The following FAT3 variants were observed in gnomAD, a reference collection of about 807,000 sequenced individuals.
FAT3 encodes protocadherin Fat 3.
FAT3 carries 95 observed loss-of-function variants against 310.2 expected under a neutral mutation model. The ratio of observed to expected loss-of-function variants is 0.31; its 90% CI spans 0.26 to 0.36. FAT3 has a LOEUF of 0.36. Ranked by LOEUF, FAT3 falls within the 10% of genes least tolerant of loss-of-function variation. The pLI is 1.00. For missense variants in FAT3, 5,408 were observed against 5,715.6 expected (o/e 0.95, Z 1.74); for synonymous variants, 2,314 against 2,192.9 (o/e 1.06, Z -1.54).
chr11:92,339,191 T>C (rs1948173026), intron 1 of FAT3, among the ~76,000 whole-genome samples: 2 of 152,224 alleles, frequency 1.3e-5, no homozygotes, highest in South Asian at 4.1e-4. Context: ...TTTTGGGGGC[T>C]GTCCTGGGTA....
At chr11:92,460,886 G>C (rs1052149729) in intron 2 of FAT3, among the ~76,000 whole-genome samples, 17 of 152,256 alleles carry the variant, frequency 1.1e-4, no homozygotes, top group African/African-American at 4.1e-4. Context: ...TCTCCTGAAT[G>C]AACCATCACC....
intron 2 of FAT3, among the ~76,000 whole-genome samples, chr11:92,448,161 G>A (rs528263339): frequency 6.6e-6 from 1 of 152,232 alleles, no homozygotes; most frequent in South Asian, 2.1e-4. Context: ...TTGTTGTGAA[G>A]ATTGAGTAAA....
chr11:92,520,525 G>A (rs1344290993), intron 2 of FAT3, among the ~76,000 whole-genome samples: 1 of 152,030 alleles, frequency 6.6e-6, no homozygotes, highest in Non-Finnish European at 1.5e-5. Flanking sequence ...ATGCATTGTG[G>A]TTGTCACAAT....
chr11:92,750,133 A>G (rs1391834237), intron 4 of FAT3, among the ~76,000 whole-genome samples: 2 of 152,146 alleles, frequency 1.3e-5, no homozygotes, highest in African/African-American at 4.8e-5. Flanking sequence ...GCCTTAGTTT[A>G]AAAGACTTCA....
Position 92,257,541 on chromosome 11 carries a change from G to A in FAT3, c.-18+32367G>A, listed in dbSNP as rs202246201. On this transcript the variant is annotated intron_variant, in intron 1 of 27. Coordinates refer to ENST00000525166, the MANE Select transcript of FAT3 (RefSeq NM_001367949.2). ...GGAAAAAATTGCCTAAAAAAATATCGACAAAATGTGAAGCGTACAACCTGT... is the reference window on the plus strand; with the variant it reads ...GGAAAAAATTGCCTAAAAAAATATCAACAAAATGTGAAGCGTACAACCTGT... 1.2e-4 allele frequency among the ~76,000 whole-genome samples: 19 copies of A among 152,024 alleles called. No homozygotes were observed. In the East Asian group the frequency reaches 3.3e-3, roughly 26 times the overall value.
chr11:92,773,653 A>G (rs1946518432), intron 6 of FAT3, among the ~76,000 whole-genome samples: 1 of 152,150 alleles, frequency 6.6e-6, no homozygotes, highest in Non-Finnish European at 1.5e-5. Flanking sequence ...TAATTGGACT[A>G]TTTATTTACT....
chr11:92,659,940 T>G (rs74717475), intron 3 of FAT3, among the ~76,000 whole-genome samples: 251 of 152,300 alleles, frequency 1.6e-3, no homozygotes, highest in African/African-American at 5.7e-3. Flanking sequence ...AAAAAATGGC[T>G]GAAGCATCAG....
At position 92,258,243 on chromosome 11, in the gene FAT3, C is replaced by G. The variant is rs137900905; in HGVS notation, c.-18+33069C>G. 9.5e-3 allele frequency among the ~76,000 whole-genome samples: 1,440 copies of G among 152,206 alleles called. 32 individuals are homozygous for G. The highest frequency in any genetic ancestry group is 0.033 in the African/African-American group (1,360 of 41,534). Reference sequence around the variant, plus strand: ...GTGTGAGTGCTTGCTATGTGCCTAGCATGTTACAGCTGAGATGGACCCACA... The same window carrying G: ...GTGTGAGTGCTTGCTATGTGCCTAGGATGTTACAGCTGAGATGGACCCACA... On this transcript the variant is annotated intron_variant, in intron 1 of 27. Transcript: ENST00000525166.
At chr11:92,856,507 C>T (rs2136320650) in intron 19 of FAT3, among the ~76,000 whole-genome samples, 1 of 152,300 alleles carries the variant, frequency 6.6e-6, no homozygotes, top group East Asian at 1.9e-4. Context: ...ATCAGTTAAT[C>T]TGCTTTCCAG....
intron 2 of FAT3, chr11:92,366,447 T>C: frequency 2.7e-6 from 1 of 374,848 alleles, no homozygotes; most frequent in East Asian, 6.7e-5. Context: ...CAGGGGGATG[T>C]GACAGACAGG....
intron 22 of FAT3, among the ~76,000 whole-genome samples, chr11:92,867,527 AC>A (rs553861439): frequency 4.4e-4 from 67 of 152,076 alleles, no homozygotes; most frequent in African/African-American, 1.5e-3. Context: ...GGCGAATGGA[AC>A]CCCCTTTTAA....
chr11:92,698,581 A>G lies in FAT3; in HGVS notation c.3669+1136A>G, dbSNP rs935841935. On this transcript the variant is annotated intron_variant, in intron 4 of 27. Coordinates refer to ENST00000525166, the MANE Select transcript of FAT3 (RefSeq NM_001367949.2). ...TTTTAAAACTCTTAAAGCATTGGAT[A>G]TAATAAAGGATTATTATTATTATTA... is the stretch of plus-strand genomic sequence containing the variant. Among the ~76,000 whole-genome samples, 73 of 152,198 alleles carry G rather than the reference A, an allele frequency of 4.8e-4. 1 individual carries two copies. Among genetic ancestry groups the G allele is most frequent in the Non-Finnish European group, 4.4e-5 (3 of 68,040 alleles).
intron 3 of FAT3, among the ~76,000 whole-genome samples, chr11:92,532,667 T>C (rs980280446): frequency 6.6e-6 from 1 of 152,184 alleles, no homozygotes; most frequent in Admixed American, 6.5e-5. Flanking sequence ...GTAACGAAAT[T>C]CTCCTCAGAG....
chr11:92,822,867 A>G (rs576618348), intron 13 of FAT3, among the ~76,000 whole-genome samples: 2 of 152,274 alleles, frequency 1.3e-5, no homozygotes, highest in Admixed American at 6.5e-5. Flanking sequence ...TTCTCTGAGT[A>G]TACCTTGCAA....
chr11:92,359,249 T>C (rs930048283), intron 2 of FAT3, among the ~76,000 whole-genome samples: 4 of 152,214 alleles, frequency 2.6e-5, no homozygotes, highest in African/African-American at 9.7e-5. Context: ...TTTTCTTAGT[T>C]TTTTAAAAGG....
rs151073166 is a variant in FAT3, at chr11:92,859,329, A to G, written c.11658+7A>G. 2 of 1,578,266 alleles carry G rather than the reference A, an allele frequency of 1.3e-6. No individual in the cohort carries two copies. The highest frequency in any genetic ancestry group is 4.5e-5 in the East Asian group (2 of 44,134). On this transcript the variant is annotated splice_region_variant and intron_variant, in intron 21 of 27. Coordinates refer to ENST00000525166, the MANE Select transcript of FAT3 (RefSeq NM_001367949.2). ...TCCCTGCATAATTCTGAAGGTAATTAAAATGGGTTATCTTTTTCTGCAGTC... is the reference window on the plus strand; with the variant it reads ...TCCCTGCATAATTCTGAAGGTAATTGAAATGGGTTATCTTTTTCTGCAGTC...
intron 3 of FAT3, among the ~76,000 whole-genome samples, chr11:92,676,985 T>C (rs1022791416): frequency 2.6e-5 from 4 of 152,188 alleles, no homozygotes; most frequent in Admixed American, 1.3e-4. Context: ...AGTTGGGACT[T>C]TAGGCTACTA....
intron 2 of FAT3, among the ~76,000 whole-genome samples, chr11:92,449,863 A>G (rs1335113044): frequency 6.6e-6 from 1 of 152,206 alleles, no homozygotes; most frequent in Non-Finnish European, 1.5e-5. Context: ...TTTCTCCCTT[A>G]GATTGGCTTC....
intron 3 of FAT3, among the ~76,000 whole-genome samples, chr11:92,538,767 A>C (rs941856350): frequency 6.6e-6 from 1 of 152,110 alleles, no homozygotes; most frequent in Admixed American, 6.6e-5. Context: ...CTACTGCCAC[A>C]CAGCTTTAAA....
Sources: gnomAD v4.1 joint callset for allele counts (sites outside exome capture counted in the v4.1 genomes callset) on GRCh38, gnomAD v4.1.1 for gene constraint, MANE v1.5 for transcripts, NCBI Gene and HGNC (gene_info 2026-07-23, HGNC 2026-07-21) for gene names.